Variants in APPBP2 observed in about 807,000 individuals in gnomAD.
The protein encoded by APPBP2 is amyloid protein-binding protein 2.
In APPBP2, 15 loss-of-function variants were observed where a neutral mutation model predicts 76.0. That is an observed-to-expected ratio of 0.20 (90% CI 0.13 to 0.30). APPBP2 has a LOEUF of 0.30. Ranked by LOEUF, APPBP2 falls within the 10% of genes least tolerant of loss-of-function variation. APPBP2 has a pLI of 1.00. For missense variants in APPBP2, 401 were observed against 687.2 expected (o/e 0.58, Z 4.66); for synonymous variants, 222 against 242.2 (o/e 0.92, Z 0.77).
intron 1 of APPBP2, among the ~76,000 whole-genome samples, chr17:60,510,123 G>T (rs2090900105): frequency 1.3e-5 from 2 of 151,856 alleles, no homozygotes; most frequent in Non-Finnish European, 2.9e-5. Flanking sequence ...TCATCTGAAG[G>T]CTGGCACAGT....
At chr17:60,498,887 T>C (rs897700000) in intron 2 of APPBP2, among the ~76,000 whole-genome samples, 1 of 152,044 alleles carries the variant, frequency 6.6e-6, no homozygotes, top group African/African-American at 2.4e-5. Context: ...AACAACTTTA[T>C]AGATTTATAT....
chr17:60,474,264 A>T (rs1046216294), intron 4 of APPBP2, among the ~76,000 whole-genome samples: 1 of 151,292 alleles, frequency 6.6e-6, no homozygotes, highest in Non-Finnish European at 1.5e-5. Flanking sequence ...TCCACCTCCC[A>T]GGTTCAAGCG....
At chr17:60,448,714 C>A (rs1197541592) in intron 12 of APPBP2, among the ~76,000 whole-genome samples, 2 of 152,070 alleles carry the variant, frequency 1.3e-5, no homozygotes, top group Non-Finnish European at 2.9e-5. Flanking sequence ...CAAAGAGTAT[C>A]TATAGTATGC....
intron 1 of APPBP2, chr17:60,513,235 A>G (rs9909389): frequency 0.035 from 14,277 of 407,152 alleles, 1,829 homozygotes; most frequent in African/African-American, 0.27. Flanking sequence ...CACCTGAAGT[A>G]AATCAGATAT....
intron 1 of APPBP2, among the ~76,000 whole-genome samples, chr17:60,506,834 G>A (rs904454970): frequency 3.3e-5 from 5 of 152,144 alleles, no homozygotes; most frequent in African/African-American, 7.2e-5. Context: ...TCAAGAGATC[G>A]AGACCATCCT....
chr17:60,489,018 T>C (rs8070148), intron 3 of APPBP2, among the ~76,000 whole-genome samples: 29,640 of 151,164 alleles, frequency 0.2, 9,631 homozygotes, highest in African/African-American at 0.67. Flanking sequence ...GTCATGAGTT[T>C]GAGACCAGCC....
chr17:60,456,787 C>G (rs1044160485), intron 9 of APPBP2, among the ~76,000 whole-genome samples: 2 of 152,126 alleles, frequency 1.3e-5, no homozygotes, highest in African/African-American at 4.8e-5. Flanking sequence ...CCTGAACATT[C>G]TCACGACTCG....
intron 1 of APPBP2, among the ~76,000 whole-genome samples, chr17:60,523,081 G>A (rs1313936867): frequency 6.6e-6 from 1 of 151,870 alleles, no homozygotes; most frequent in Non-Finnish European, 1.5e-5. Context: ...GGGGAAATTT[G>A]ATTCCACAAA....
At chr17:60,451,227 A>G (rs1189292973) in intron 12 of APPBP2, among the ~76,000 whole-genome samples, 3 of 152,228 alleles carry the variant, frequency 2.0e-5, no homozygotes, top group Non-Finnish European at 2.9e-5. Context: ...AGCCTGATCT[A>G]TGATGTTAAA....
At chr17:60,501,442 A>C (rs1412218425) in intron 1 of APPBP2, among the ~76,000 whole-genome samples, 1 of 152,112 alleles carries the variant, frequency 6.6e-6, no homozygotes, top group Non-Finnish European at 1.5e-5. Flanking sequence ...TACAATACCC[A>C]AGAGTGTGTA....
chr17:60,458,848 C>A (rs1442190546), intron 9 of APPBP2, among the ~76,000 whole-genome samples: 2 of 151,484 alleles, frequency 1.3e-5, no homozygotes, highest in Non-Finnish European at 2.9e-5. Flanking sequence ...TCTTGGCTCA[C>A]TGCAACCTCC....
chr17:60,448,431 C>CCAG (rs2090367041), intron 12 of APPBP2, among the ~76,000 whole-genome samples: 1 of 152,210 alleles, frequency 6.6e-6, no homozygotes, highest in African/African-American at 2.4e-5. Flanking sequence ...CCACTGCACT[C>CCAG]CAGCTTGGGT....
At position 60,503,506 on chromosome 17, in the gene APPBP2, C is replaced by G. The variant is rs1036500178; in HGVS notation, c.139-3019G>C. Among the ~76,000 whole-genome samples the G allele has an allele frequency of 2.8e-5, 4 of 145,150 alleles. 1 individual carries two copies. The highest frequency in any genetic ancestry group is 1.1e-4 in the African/African-American group (4 of 34,886). ...GTTCAAGTGATTCCCTTGCTTCAGC[C>G]TCTGGAGTAGCTGGGATTACAGGCG... On this transcript the variant is annotated intron_variant, in intron 1 of 12. Coordinates refer to ENST00000083182, the MANE Select transcript of APPBP2 (RefSeq NM_006380.5).
chr17:60,522,559 G>A (rs1030468575), intron 1 of APPBP2, among the ~76,000 whole-genome samples: 3 of 152,132 alleles, frequency 2.0e-5, no homozygotes, highest in South Asian at 2.1e-4. Flanking sequence ...GTGCTCAAGC[G>A]ATCCTTCTGC....
intron 3 of APPBP2, among the ~76,000 whole-genome samples, chr17:60,490,410 T>C (rs1403062337): frequency 3.3e-5 from 5 of 152,150 alleles, no homozygotes; most frequent in East Asian, 1.9e-4. Flanking sequence ...AAGAGCCAAG[T>C]GCAGTGGCTC....
intron 3 of APPBP2, among the ~76,000 whole-genome samples, chr17:60,484,922 T>G (rs376089464): frequency 6.6e-6 from 1 of 152,176 alleles, no homozygotes; most frequent in African/African-American, 2.4e-5. Context: ...TTATTGAGAG[T>G]TGAATTTTGT....
intron 1 of APPBP2, among the ~76,000 whole-genome samples, chr17:60,521,350 A>G (rs909276948): frequency 1.3e-5 from 2 of 152,246 alleles, no homozygotes. Flanking sequence ...TACACTGTTT[A>G]TAACATCTAC....
intron 3 of APPBP2, among the ~76,000 whole-genome samples, chr17:60,486,509 T>C (rs552431437): frequency 9.8e-5 from 15 of 152,302 alleles, no homozygotes; most frequent in African/African-American, 3.6e-4. Context: ...GAGACTAGGA[T>C]TGCAACCCCT....
chr17:60,460,702 TAAGAA>T lies in APPBP2; in HGVS notation c.1017_1021del (p.Ser340CysfsTer5). On this transcript the variant is annotated frameshift_variant, in exon 9 of 13. Coordinates refer to ENST00000083182, the MANE Select transcript of APPBP2 (RefSeq NM_006380.5). LOFTEE classifies it high-confidence loss of function. ...TTTCCCAGAGCTATACTGGTGGACA[TAAGAA>T]GAGTAGGCCAAATCTTCATGAGCTG... The T allele has an allele frequency of 6.2e-7, 1 of 1,613,806 alleles. No individual in the cohort carries two copies. The highest frequency in any genetic ancestry group is 8.5e-7 in the Non-Finnish European group (1 of 1,179,778).
Sources: gnomAD v4.1 joint callset for allele counts (sites outside exome capture counted in the v4.1 genomes callset) on GRCh38, gnomAD v4.1.1 for gene constraint, MANE v1.5 for transcripts, NCBI Gene and HGNC (gene_info 2026-07-23, HGNC 2026-07-21) for gene names.